EDN1: variants seen among roughly 807,000 people sequenced by gnomAD.
EDN1 encodes endothelin-1.
In EDN1, 11 loss-of-function variants were observed where a neutral mutation model predicts 21.7. That is an observed-to-expected ratio of 0.51 (90% CI 0.32 to 0.84). The LOEUF is 0.84. Among genes scored for constraint, EDN1 ranks in the 40% least tolerant of loss-of-function variants. The pLI, the probability that EDN1 is intolerant of heterozygous loss-of-function variation, is 0.03. For synonymous variants in EDN1, 85 were observed against 90.6 expected, an observed-to-expected ratio of 0.94 and a Z score of 0.35; for missense variants, 244 against 262.3, an observed-to-expected ratio of 0.93 and a Z score of 0.48.
the EDN1 span, among the ~76,000 whole-genome samples, chr6:12,235,181 G>A: frequency 2.2e-3 from 335 of 152,260 alleles, no homozygotes; most frequent in Middle Eastern, 0.014. Context: ...TCGTAGAATA[G>A]GGGTTGGACT....
upstream of EDN1, among the ~76,000 whole-genome samples, chr6:12,288,745 G>A (rs1762607510): frequency 6.6e-6 from 1 of 152,154 alleles, no homozygotes; most frequent in Admixed American, 6.5e-5. Context: ...CCAAACCCAC[G>A]GCTTTGCTGT....
the EDN1 span, among the ~76,000 whole-genome samples, chr6:12,258,470 A>AAAAAAAAG: frequency 3.4e-4 from 51 of 151,180 alleles, no homozygotes; most frequent in African/African-American, 1.2e-3. Flanking sequence ...AAAAAAAAAA[A>AAAAAAAAG]AGCCAATTAC....
chr6:12,289,803 G>C (rs546421093), upstream of EDN1, among the ~76,000 whole-genome samples: 4 of 152,272 alleles, frequency 2.6e-5, no homozygotes, highest in South Asian at 8.3e-4. Flanking sequence ...AAAAAGACCC[G>C]CAGGAAGGGG....
chr6:12,290,564 G>A lies in EDN1; in HGVS notation c.-66G>A. 1.5e-6 allele frequency: 2 copies of A among 1,354,712 alleles called. No individual in the cohort carries two copies. The highest frequency in any genetic ancestry group is 1.1e-6 in the Non-Finnish European group (1 of 944,884). The allele number at this position is 1,354,712 out of a possible 1,614,324, so 83.9% of individuals were successfully genotyped here. On this transcript the variant is annotated 5_prime_UTR_variant, in exon 1 of 5. Transcript: ENST00000379375. ...CCCGCAGCGCTTTGAGGGACCTGAAGCTGTTTTTCTTCGTTTTCCTTTGGG... is the reference window on the plus strand; with the variant it reads ...CCCGCAGCGCTTTGAGGGACCTGAAACTGTTTTTCTTCGTTTTCCTTTGGG...
chr6:12,233,454 G>A, the EDN1 span, among the ~76,000 whole-genome samples: 3 of 152,274 alleles, frequency 2.0e-5, no homozygotes, highest in Admixed American at 1.3e-4. Flanking sequence ...ATTGCCCAAG[G>A]TCATGTCCAG....
chr6:12,262,978 TTG>T, the EDN1 span, among the ~76,000 whole-genome samples: 5 of 152,152 alleles, frequency 3.3e-5, no homozygotes, highest in African/African-American at 1.2e-4. Context: ...GTGGGTGGTG[TTG>T]TGGAAGCTGA....
intron 2 of EDN1, among the ~76,000 whole-genome samples, chr6:12,293,447 C>A (rs1423502765): frequency 2.6e-5 from 4 of 152,190 alleles, no homozygotes; most frequent in African/African-American, 9.7e-5. Flanking sequence ...CCTCCTCCCC[C>A]AACCACTGGG....
chr6:12,265,219 G>A, the EDN1 span, among the ~76,000 whole-genome samples: 2 of 152,184 alleles, frequency 1.3e-5, no homozygotes, highest in African/African-American at 4.8e-5. Flanking sequence ...CCTGTCCAAT[G>A]CCAAGCGATA....
chr6:12,253,093 AC>A, the EDN1 span, among the ~76,000 whole-genome samples: 1 of 152,106 alleles, frequency 6.6e-6, no homozygotes, highest in Non-Finnish European at 1.5e-5. Flanking sequence ...ATAAAATATA[AC>A]CCCACACACT....
upstream of EDN1, among the ~76,000 whole-genome samples, chr6:12,287,185 A>G (rs1762570259): frequency 6.6e-6 from 1 of 151,948 alleles, no homozygotes; most frequent in Admixed American, 6.5e-5. Flanking sequence ...ATTGGGGAAA[A>G]AAAAAAATCC....
chr6:12,293,131 C>T (rs1288569223), intron 2 of EDN1, among the ~76,000 whole-genome samples: 1 of 152,168 alleles, frequency 6.6e-6, no homozygotes, highest in Non-Finnish European at 1.5e-5. Flanking sequence ...AAGCAGATTT[C>T]CTCCTTCTGC....
At chr6:12,242,279 A>G in the EDN1 span, among the ~76,000 whole-genome samples, 261 of 152,304 alleles carry the variant, frequency 1.7e-3, 1 homozygote, top group African/African-American at 6.1e-3. Context: ...GAGAATGGTC[A>G]TGCTGAAAAG....
At chr6:12,236,465 G>A in the EDN1 span, among the ~76,000 whole-genome samples, 1 of 151,996 alleles carries the variant, frequency 6.6e-6, no homozygotes, top group African/African-American at 2.4e-5. Flanking sequence ...TTGCCACGTT[G>A]GCTGGGCTGG....
At chr6:12,245,984 A>C in the EDN1 span, among the ~76,000 whole-genome samples, 2 of 151,642 alleles carry the variant, frequency 1.3e-5, no homozygotes, top group Admixed American at 1.3e-4. Context: ...TGCCATAACA[A>C]TGTTGTATTT....
At chr6:12,274,532 A>T in the EDN1 span, among the ~76,000 whole-genome samples, 1 of 152,322 alleles carries the variant, frequency 6.6e-6, no homozygotes, top group East Asian at 1.9e-4. Flanking sequence ...TTCTCCCCCA[A>T]TTAGAATATG....
At chr6:12,272,040 G>A in the EDN1 span, among the ~76,000 whole-genome samples, 18 of 152,316 alleles carry the variant, frequency 1.2e-4, no homozygotes, top group Admixed American at 5.2e-4. Context: ...AAAGAGAGAA[G>A]AAGGTGAAGT....
At chr6:12,292,614 T>A in intron 2 of EDN1, 105 bp downstream of exon 2, 1 of 1,335,718 alleles carries the variant, frequency 7.5e-7, no homozygotes, top group Non-Finnish European at 1.1e-6. Context: ...GTAGTCCTTC[T>A]AACACCATCC....
At chr6:12,262,871 TAAA>T in the EDN1 span, among the ~76,000 whole-genome samples, 2 of 132,222 alleles carry the variant, frequency 1.5e-5, no homozygotes, top group East Asian at 2.2e-4. Flanking sequence ...AAACCCTGTT[TAAA>T]AAAAAAAAAA....
At chr6:12,249,825 T>G in the EDN1 span, among the ~76,000 whole-genome samples, 5 of 152,076 alleles carry the variant, frequency 3.3e-5, no homozygotes, top group African/African-American at 9.7e-5. Context: ...CTACTGCTGA[T>G]TATACCTCTC....
Sources: allele counts gnomAD v4.1 joint callset (sites outside exome capture counted in the v4.1 genomes callset), GRCh38; gene constraint gnomAD v4.1.1; transcripts MANE v1.5; gene names NCBI Gene and HGNC (gene_info 2026-07-23, HGNC 2026-07-21).